Variants in MTCL3 observed in about 807,000 individuals in gnomAD.
MTCL3 encodes the protein MTCL family member 3, also known as microtubule cross-linking factor 3.
chr6:127,507,304 G>T, the MTCL3 span, among the ~76,000 whole-genome samples: 12 of 152,240 alleles, frequency 7.9e-5, no homozygotes, highest in Middle Eastern at 3.4e-3. Flanking sequence ...AGCCAAGAAA[G>T]GAACTGGAAT....
the MTCL3 span, chr6:127,475,344 C>T: frequency 1.2e-6 from 2 of 1,612,972 alleles, no homozygotes; most frequent in East Asian, 2.2e-5. The surrounding 1 kb of genome is among the most constrained non-coding windows in gnomAD (Gnocchi z 7.3). Context: ...CAGACTTGGG[C>T]ACCTCGAGGC....
the MTCL3 span, among the ~76,000 whole-genome samples, chr6:127,478,742 G>T: frequency 6.6e-6 from 1 of 152,110 alleles, no homozygotes; most frequent in African/African-American, 2.4e-5. Context: ...CATATGGCCA[G>T]GCGCGGTCAC....
the MTCL3 span, among the ~76,000 whole-genome samples, chr6:127,497,565 T>C: frequency 1.3e-5 from 2 of 152,304 alleles, no homozygotes; most frequent in African/African-American, 2.4e-5. Flanking sequence ...GTAGCAGCCT[T>C]TCCTACTTCA....
At chr6:127,514,517 G>C in the MTCL3 span, among the ~76,000 whole-genome samples, 3 of 152,242 alleles carry the variant, frequency 2.0e-5, no homozygotes, top group African/African-American at 7.2e-5. Context: ...CCTGCGCTCT[G>C]CCACGCCCTT....
chr6:127,492,781 C>CA, the MTCL3 span, among the ~76,000 whole-genome samples: 1 of 152,276 alleles, frequency 6.6e-6, no homozygotes, highest in East Asian at 1.9e-4. Flanking sequence ...CTCGGCCTCC[C>CA]AAAGCGCTGG....
chr6:127,498,457 A>C, the MTCL3 span, among the ~76,000 whole-genome samples: 1 of 152,216 alleles, frequency 6.6e-6, no homozygotes. Context: ...TGGATAAATT[A>C]GAATCCTCAT....
At chr6:127,516,179 G>C in the MTCL3 span, 1 of 1,433,642 alleles carries the variant, frequency 7.0e-7, no homozygotes, top group Non-Finnish European at 9.1e-7. Context: ...TCCCGAGGCG[G>C]CTCCTCGGGC....
the MTCL3 span, chr6:127,475,559 C>T: frequency 4.3e-6 from 7 of 1,610,358 alleles, no homozygotes; most frequent in Non-Finnish European, 5.1e-6. This position sits in a 1 kb window ranked among gnomAD's most constrained non-coding sequence, Gnocchi z 7.3. Flanking sequence ...CCCAGGCGCT[C>T]GGCCTCCGAG....
At chr6:127,475,913 G>A in the MTCL3 span, 1 of 1,613,286 alleles carries the variant, frequency 6.2e-7, no homozygotes, top group East Asian at 2.2e-5. This position sits in a 1 kb window ranked among gnomAD's most constrained non-coding sequence, Gnocchi z 7.3. Flanking sequence ...GCCGCCTTCA[G>A]CTCCTCCTGC....
chr6:127,476,144 T>G, the MTCL3 span: 8 of 1,614,030 alleles, frequency 5.0e-6, no homozygotes, highest in African/African-American at 1.3e-5. This position sits in a 1 kb window ranked among gnomAD's most constrained non-coding sequence, Gnocchi z 4.4. Flanking sequence ...GCCGAGCCGT[T>G]GAAGTCATCG....
At chr6:127,479,012 A>T in the MTCL3 span, among the ~76,000 whole-genome samples, 12 of 139,010 alleles carry the variant, frequency 8.6e-5, no homozygotes, top group Non-Finnish European at 1.7e-4. Flanking sequence ...GAGAGACTCC[A>T]TCTAAAAAAA....
chr6:127,500,801 G>A, the MTCL3 span, among the ~76,000 whole-genome samples: 1 of 152,166 alleles, frequency 6.6e-6, no homozygotes, highest in East Asian at 1.9e-4. Flanking sequence ...AGTGTAAGGA[G>A]TTAAACTAAC....
chr6:127,509,817 C>T, the MTCL3 span, among the ~76,000 whole-genome samples: 1 of 152,166 alleles, frequency 6.6e-6, no homozygotes, highest in Non-Finnish European at 1.5e-5. Flanking sequence ...GTTATAATTG[C>T]AGCTCAGTTT....
At chr6:127,475,620 G>C in the MTCL3 span, 4 of 1,599,770 alleles carry the variant, frequency 2.5e-6, no homozygotes, top group Non-Finnish European at 3.4e-6. The surrounding 1 kb of genome is among the most constrained non-coding windows in gnomAD (Gnocchi z 7.3). Flanking sequence ...GCCAGGGCCC[G>C]GGCGCCGGGT....
the MTCL3 span, chr6:127,476,014 T>A: frequency 1.7e-5 from 28 of 1,611,096 alleles, no homozygotes; most frequent in Non-Finnish European, 2.2e-5. The surrounding 1 kb of genome is among the most constrained non-coding windows in gnomAD (Gnocchi z 4.4). Flanking sequence ...CGTGATGCGC[T>A]TGTTCTGCTC....
the MTCL3 span, among the ~76,000 whole-genome samples, chr6:127,505,852 C>T: frequency 2.6e-5 from 4 of 152,012 alleles, no homozygotes; most frequent in Admixed American, 1.3e-4. Flanking sequence ...CTACACCAGG[C>T]ATTCAAGAAA....
the MTCL3 span, among the ~76,000 whole-genome samples, chr6:127,483,693 A>G: frequency 6.6e-6 from 1 of 152,250 alleles, no homozygotes; most frequent in South Asian, 2.1e-4. Context: ...TGGAAGTCAA[A>G]GAATACACAG....
the MTCL3 span, among the ~76,000 whole-genome samples, chr6:127,486,426 G>A: frequency 0.04 from 6,022 of 152,216 alleles, 407 homozygotes; most frequent in African/African-American, 0.13. Flanking sequence ...GATACAGAAA[G>A]TTAGAGAAAT....
At chr6:127,493,736 A>G in the MTCL3 span, among the ~76,000 whole-genome samples, 38,064 of 152,228 alleles carry the variant, frequency 0.25, 6,240 homozygotes, top group Non-Finnish European at 0.37. Flanking sequence ...AAATTTTAAA[A>G]GCTGAGAAAA....
Sources: allele counts gnomAD v4.1 joint callset (sites outside exome capture counted in the v4.1 genomes callset), GRCh38; gene constraint gnomAD v4.1.1; non-coding constraint Gnocchi (gnomAD v3.1); transcripts MANE v1.5; gene names NCBI Gene and HGNC (gene_info 2026-07-23, HGNC 2026-07-21).